Variants in ABCB1 observed in about 807,000 individuals in gnomAD.
ABCB1 encodes ATP binding cassette subfamily B member 1, also known as ATP-dependent translocase ABCB1.
In ABCB1, 69 loss-of-function variants were observed where a neutral mutation model predicts 142.0. The ratio of observed to expected loss-of-function variants is 0.49; its 90% CI spans 0.40 to 0.59. The LOEUF (loss-of-function observed/expected upper bound fraction) is 0.59. Ranked by LOEUF, ABCB1 falls within the 20% of genes least tolerant of loss-of-function variation. ABCB1 has a pLI of 0.00. For synonymous variants in ABCB1, 532 were observed against 539.2 expected (o/e 0.99, Z 0.18); for missense variants, 1,326 against 1,554.7 (o/e 0.85, Z 2.47).
At chr7:87,574,077 G>T (rs1320496308) in intron 4 of ABCB1, among the ~76,000 whole-genome samples, 5 of 152,114 alleles carry the variant, frequency 3.3e-5, no homozygotes, top group African/African-American at 4.8e-5. Context: ...GCACTGGAGG[G>T]TCCAGGTAAA....
At position 87,503,389 on chromosome 7, in the gene ABCB1, T is replaced by A. The variant is rs1165217209; in HGVS notation, c.*854A>T. ...TTAAACTCATGGCACATTTTAAACA[T>A]CTGTAAGTCAGAAGGATCACTTTTG... On this transcript the variant is annotated 3_prime_UTR_variant, in exon 28 of 28. Transcript: ENST00000622132. Among the ~76,000 whole-genome samples, 1 of 152,190 alleles carries A rather than the reference T, an allele frequency of 6.6e-6. No individual in the cohort carries two copies. Among genetic ancestry groups the A allele is most frequent in the Non-Finnish European group, 1.5e-5 (1 of 68,024 alleles).
At chr7:87,531,581 G>T in intron 20 of ABCB1, 84 bp from the exon 21 acceptor site, 1 of 1,239,350 alleles carries the variant, frequency 8.1e-7, no homozygotes. Context: ...TCACCTTCAT[G>T]AGACTATATT....
intron 1 of ABCB1, among the ~76,000 whole-genome samples, chr7:87,617,924 T>C (rs1350762328): frequency 6.6e-6 from 1 of 152,156 alleles, no homozygotes; most frequent in Admixed American, 6.5e-5. Context: ...TCCTCCTTAC[T>C]CTCTGAGCTC....
rs200191280 is a variant in ABCB1, at chr7:87,566,083, G to C, written c.689C>G (p.Ala230Gly). 4 of 1,614,174 alleles carry C rather than the reference G, an allele frequency of 2.5e-6. No homozygotes were observed. The highest frequency in any genetic ancestry group is 3.4e-6 in the Non-Finnish European group (4 of 1,180,018). ...GGCTTCACCTACCTTTGCCCAGACA[G>C]CAGCTGACAGTCCAAGAACAGGACT... The part of the protein sequence containing the change: ...AISPVLGLSA[A>G]VWAKILSSFT... Residue 230 changes from alanine (A) to glycine (G), a missense_variant, in exon 7 of 28, where the codon GCT becomes GGT. Transcript: ENST00000622132.
At chr7:87,561,481 C>T in intron 7 of ABCB1, 94 bp from the exon 8 acceptor site, 8 of 1,278,570 alleles carry the variant, frequency 6.3e-6, no homozygotes, top group South Asian at 1.3e-5. Context: ...GCTGCTTATA[C>T]ATTAATGCAT....
At position 87,540,058 on chromosome 7, in the gene ABCB1, T is replaced by A. The variant is rs151117704; in HGVS notation, c.2320-713A>T. On this transcript the variant is annotated intron_variant, in intron 18 of 27. Transcript: ENST00000622132. ...TCAAATTCCCCAGTGAGGCTGTAAGTACTCAGTAAAGAAAGAATTCAGTCT... is the reference window on the plus strand; with the variant it reads ...TCAAATTCCCCAGTGAGGCTGTAAGAACTCAGTAAAGAAAGAATTCAGTCT... 5.6e-4 allele frequency among the ~76,000 whole-genome samples: 85 copies of A among 152,364 alleles called. 1 individual carries two copies. The Middle Eastern group carries it at 0.014, about 24-fold the overall frequency.
rs574072782 is a variant in ABCB1 at position 87,679,295 on chromosome 7, G to T, written c.-331+33866C>A. ...TTTTTAGTAGAGACGGAGTTTCACA[G>T]TGTTAGCCAGGATGGTCTCCATCTC... On this transcript the variant is annotated intron_variant, in intron 1 of 28. Transcript: ENST00000265724. Among the ~76,000 whole-genome samples, 176 of 149,428 alleles carry T rather than the reference G, an allele frequency of 1.2e-3. 11 individuals carry two copies. The highest frequency in any genetic ancestry group is 4.0e-3 in the African/African-American group (161 of 40,114).
chr7:87,691,622 A>ACG (rs1330552969), intron 1 of ABCB1, among the ~76,000 whole-genome samples: 1 of 152,116 alleles, frequency 6.6e-6, no homozygotes, highest in African/African-American at 2.4e-5. Flanking sequence ...GCTTTGTCAT[A>ACG]CGCTTGTTTA....
chr7:87,551,614 C>T (rs771030427), intron 9 of ABCB1, among the ~76,000 whole-genome samples: 3 of 151,782 alleles, frequency 2.0e-5, no homozygotes, highest in Non-Finnish European at 2.9e-5. Flanking sequence ...CCTCAGTCTC[C>T]GAAGTAGCTG....
intron 6 of ABCB1, 133 bp downstream of exon 6, chr7:87,566,652 G>A (rs1817793963): frequency 3.3e-6 from 3 of 917,022 alleles, no homozygotes; most frequent in Non-Finnish European, 5.2e-6. Flanking sequence ...CATTGTTGCT[G>A]CTTAGAAGGA....
At chr7:87,547,867 A>AAT (rs1816855219) in intron 14 of ABCB1, among the ~76,000 whole-genome samples, 1 of 149,014 alleles carries the variant, frequency 6.7e-6, no homozygotes, top group Non-Finnish European at 1.5e-5. Context: ...AAAAAAAAAA[A>AAT]AAAAACCTTG....
chr7:87,625,959 TAG>T (rs551046904), intron 1 of ABCB1, among the ~76,000 whole-genome samples: 3 of 147,020 alleles, frequency 2.0e-5, no homozygotes, highest in Non-Finnish European at 4.5e-5. Flanking sequence ...TACGTATGGC[TAG>T]AGAGAGAGGA....
chr7:87,518,982 G>A (rs1160796297), intron 23 of ABCB1: 2 of 317,336 alleles, frequency 6.3e-6, no homozygotes, highest in Non-Finnish European at 5.9e-6. Context: ...TGCTCTGTAA[G>A]AAAGTCCTTT....
chr7:87,686,721 T>G (rs2130620942), intron 1 of ABCB1, among the ~76,000 whole-genome samples: 1 of 151,622 alleles, frequency 6.6e-6, no homozygotes, highest in Middle Eastern at 3.4e-3. Context: ...GGCAGATCAC[T>G]TGAGGCCCAG....
intron 21 of ABCB1, chr7:87,522,544 C>T: frequency 2.1e-6 from 1 of 467,302 alleles, no homozygotes; most frequent in Non-Finnish European, 4.2e-6. Flanking sequence ...TACAAGAAGA[C>T]ATGTTTTAGA....
rs552550153 is a variant in ABCB1 at position 87,519,252 on chromosome 7, T to A, written c.2927+74A>T. On this transcript the variant is annotated intron_variant, in intron 23 of 27. Coordinates refer to ENST00000622132, the MANE Select transcript of ABCB1 (RefSeq NM_001348946.2). ...CTTCATGAGGCTTCACAGTAGGGTT[T>A]CCTATCTAGACATGAAGCATGTTCA... is the stretch of plus-strand genomic sequence containing the variant. The A allele has an allele frequency of 2.1e-5, 31 of 1,443,816 alleles. 1 individual carries two copies. Among genetic ancestry groups the A allele is most frequent in the Non-Finnish European group, 3.0e-5 (31 of 1,029,246 alleles). 89.4% of individuals were successfully genotyped at this position (1,443,816 alleles called of 1,614,324 possible).
In ABCB1 at chr7:87,531,490, C is replaced by A. The variant is rs767089531; in HGVS notation, c.2489G>T (p.Gly830Val). ...NDAAQVKGAIGSRLAVITQNI... is the reference protein window; with the variant it reads ...NDAAQVKGAIVSRLAVITQNI... ...CTGGGTAATTACAGCAAGCCTGGAA[C>A]CTATAGCCTGCAAAACAAAACAAAT... is the stretch of plus-strand genomic sequence containing the variant. The change falls in exon 21 of 28, where the codon GGT (glycine) becomes GTT (valine). Residue 830 changes from glycine to valine, a missense_variant. Physicochemically the swap from Gly to Val is moderately radical, Grantham distance 109. Transcript: ENST00000622132. 2 of 1,612,824 alleles carry A rather than the reference C, an allele frequency of 1.2e-6. No individual in the cohort carries two copies. Among genetic ancestry groups the A allele is most frequent in the East Asian group, 4.5e-5 (2 of 44,780 alleles).
At chr7:87,511,570 G>T (rs892888503) in intron 25 of ABCB1, among the ~76,000 whole-genome samples, 5 of 152,188 alleles carry the variant, frequency 3.3e-5, no homozygotes, top group Admixed American at 3.3e-4. Context: ...ACAGTCTCTT[G>T]TTTAACCTTC....
intron 1 of ABCB1, among the ~76,000 whole-genome samples, chr7:87,635,178 C>A (rs1821637426): frequency 6.6e-6 from 1 of 152,124 alleles, no homozygotes; most frequent in South Asian, 2.1e-4. Context: ...TAAAATATAT[C>A]CCTGGGTCAG....
Sources: allele counts gnomAD v4.1 joint callset (sites outside exome capture counted in the v4.1 genomes callset), GRCh38; gene constraint gnomAD v4.1.1; transcripts MANE v1.5; gene names NCBI Gene and HGNC (gene_info 2026-07-23, HGNC 2026-07-21).